The following SLC14A2 variants were observed in gnomAD, a reference collection of about 807,000 sequenced individuals.
SLC14A2 encodes urea transporter 2.
A neutral mutation model predicts 104.6 loss-of-function variants in SLC14A2; 91 were observed. The ratio of observed to expected loss-of-function variants is 0.87; its 90% confidence interval spans 0.73 to 1.04. The LOEUF (loss-of-function observed/expected upper bound fraction) is 1.04, where lower values mean the gene tolerates loss of function less well. Among genes scored for constraint, SLC14A2 ranks in the 50% least tolerant of loss-of-function variants. The pLI, the probability that SLC14A2 is intolerant of heterozygous loss-of-function variation, is 0.00. For missense variants in SLC14A2, 1,189 were observed against 1,156.0 expected (o/e 1.03, Z -0.41); for synonymous variants, 476 against 466.4 (o/e 1.02, Z -0.27).
chr18:45,481,719 G>A (rs576031579), intron 1 of SLC14A2, among the ~76,000 whole-genome samples: 10 of 152,202 alleles, frequency 6.6e-5, no homozygotes, highest in African/African-American at 2.2e-4. Context: ...TTGTTATGTT[G>A]ACTTCAACCA....
chr18:45,250,285 A>G (rs2084407762), intron 1 of SLC14A2, among the ~76,000 whole-genome samples: 1 of 152,280 alleles, frequency 6.6e-6, no homozygotes. Context: ...GATCATGAGT[A>G]CCATTTACAA....
intron 1 of SLC14A2, among the ~76,000 whole-genome samples, chr18:45,272,299 G>C (rs2144122472): frequency 6.6e-6 from 1 of 152,160 alleles, no homozygotes; most frequent in East Asian, 1.9e-4. Flanking sequence ...ACTCCTGTTT[G>C]TTGCAGCACT....
intron 4 of SLC14A2, 36 bp downstream of exon 4, chr18:45,627,183 G>A: frequency 1.3e-6 from 2 of 1,584,788 alleles, no homozygotes; most frequent in Non-Finnish European, 1.7e-6. Context: ...AGCAAGATGT[G>A]TGGAACAGAA....
At chr18:45,408,158 G>GA (rs2086176850) in intron 1 of SLC14A2, among the ~76,000 whole-genome samples, 1 of 152,180 alleles carries the variant, frequency 6.6e-6, no homozygotes, top group Non-Finnish European at 1.5e-5. Flanking sequence ...TCTTTGAGCT[G>GA]AGGTACAAAT....
At chr18:45,583,451 A>T (rs1048662409) in intron 2 of SLC14A2, among the ~76,000 whole-genome samples, 3 of 152,172 alleles carry the variant, frequency 2.0e-5, no homozygotes, top group Admixed American at 6.5e-5. Flanking sequence ...CCTGTTCTGG[A>T]TCATTACTCT....
intron 16 of SLC14A2, among the ~76,000 whole-genome samples, chr18:45,672,374 A>G (rs1228948168): frequency 6.6e-6 from 1 of 151,878 alleles, no homozygotes; most frequent in African/African-American, 2.4e-5. Context: ...TACTAAAAAT[A>G]CAACATTAGC....
chr18:45,194,387 C>A, the SLC14A2 span, among the ~76,000 whole-genome samples: 1 of 152,086 alleles, frequency 6.6e-6, no homozygotes, highest in Non-Finnish European at 1.5e-5. Context: ...TAATTTATGA[C>A]AGTTATCGGA....
intron 1 of SLC14A2, among the ~76,000 whole-genome samples, chr18:45,287,658 C>T (rs116233982): frequency 4.5e-4 from 68 of 152,342 alleles, no homozygotes; most frequent in African/African-American, 1.5e-3. Context: ...TCATTCTGCC[C>T]CATCCTCCTG....
intron 1 of SLC14A2, among the ~76,000 whole-genome samples, chr18:45,459,789 G>A (rs967036800): frequency 6.6e-6 from 1 of 152,136 alleles, no homozygotes; most frequent in Non-Finnish European, 1.5e-5. Flanking sequence ...TGCCTTTGAG[G>A]GTAGCATCCC....
chr18:45,265,629 G>T (rs1211855554), intron 1 of SLC14A2, among the ~76,000 whole-genome samples: 1 of 152,174 alleles, frequency 6.6e-6, no homozygotes, highest in Non-Finnish European at 1.5e-5. Context: ...GTCATATTAA[G>T]AGGGAGAGAA....
the SLC14A2 span, among the ~76,000 whole-genome samples, chr18:45,173,814 G>T: frequency 0.078 from 11,889 of 152,182 alleles, 646 homozygotes; most frequent in Non-Finnish European, 0.12. Flanking sequence ...GAATCCTAAT[G>T]CATGAAGCTG....
chr18:45,608,394 C>T (rs1568296732), intron 2 of SLC14A2, among the ~76,000 whole-genome samples: 1 of 152,222 alleles, frequency 6.6e-6, no homozygotes, highest in African/African-American at 2.4e-5. Flanking sequence ...GCAGTTCTCA[C>T]CATCCCTGCC....
intron 2 of SLC14A2, among the ~76,000 whole-genome samples, chr18:45,571,698 T>C (rs1183937123): frequency 3.3e-5 from 5 of 152,160 alleles, no homozygotes; most frequent in African/African-American, 1.2e-4. Context: ...TGGGTCCATA[T>C]TTTTTTATTA....
intron 1 of SLC14A2, among the ~76,000 whole-genome samples, chr18:45,412,992 G>C (rs1034916315): frequency 6.6e-6 from 1 of 152,136 alleles, no homozygotes; most frequent in African/African-American, 2.4e-5. Flanking sequence ...AAAGAATCTG[G>C]TTTCTTGAAA....
intron 1 of SLC14A2, among the ~76,000 whole-genome samples, chr18:45,428,090 C>T (rs2086461092): frequency 6.6e-6 from 1 of 152,178 alleles, no homozygotes; most frequent in Non-Finnish European, 1.5e-5. Flanking sequence ...AACTCACAAA[C>T]TCACCCTCCT....
intron 2 of SLC14A2, among the ~76,000 whole-genome samples, chr18:45,598,199 C>T (rs1164955543): frequency 6.6e-6 from 1 of 152,168 alleles, no homozygotes; most frequent in Non-Finnish European, 1.5e-5. Flanking sequence ...CGACTGTTAG[C>T]GTGTCTGTGC....
chr18:45,679,187 G>A (rs1020671567), intron 19 of SLC14A2, among the ~76,000 whole-genome samples, 163 bp downstream of exon 19: 5 of 152,142 alleles, frequency 3.3e-5, no homozygotes, highest in African/African-American at 4.8e-5. Flanking sequence ...GGCAGAGGGA[G>A]CCAGGCCCCA....
the SLC14A2 span, among the ~76,000 whole-genome samples, chr18:45,188,384 A>G: frequency 6.6e-6 from 1 of 152,110 alleles, no homozygotes; most frequent in Non-Finnish European, 1.5e-5. Context: ...TCTTGTTGAT[A>G]TCCTGTGTCT....
At chr18:45,525,358 T>G (rs1034986100) in intron 2 of SLC14A2, among the ~76,000 whole-genome samples, 34 of 152,146 alleles carry the variant, frequency 2.2e-4, no homozygotes, top group Non-Finnish European at 4.4e-4. Context: ...TTGGGAAAGG[T>G]TGAGTGGATT....
Sources: allele counts gnomAD v4.1 joint callset (sites outside exome capture counted in the v4.1 genomes callset), GRCh38; gene constraint gnomAD v4.1.1; transcripts MANE v1.5; gene names NCBI Gene and HGNC (gene_info 2026-07-23, HGNC 2026-07-21).